TBPL2: variants seen among roughly 807,000 people sequenced by gnomAD.
TBPL2 encodes TATA-box binding protein like 2.
Under a neutral mutation model 38.2 loss-of-function variants are expected in TBPL2, and 40 were observed. The observed-to-expected ratio is 1.05, with a 90% CI of 0.81 to 1.36. The LOEUF (loss-of-function observed/expected upper bound fraction) is 1.36, where lower values mean the gene tolerates loss of function less well. Ranked by LOEUF, TBPL2 falls within the 40% of genes most tolerant of loss-of-function variation. The pLI, the probability that TBPL2 is intolerant of heterozygous loss-of-function variation, is 0.00. For missense variants in TBPL2, 461 were observed against 456.7 expected (o/e 1.01, Z -0.09); for synonymous variants, 169 against 171.7 (o/e 0.98, Z 0.12).
chr14:55,436,491 G>A (rs1237099750), intron 2 of TBPL2, 70 bp downstream of exon 2: 2 of 1,302,284 alleles, frequency 1.5e-6, no homozygotes, highest in Non-Finnish European at 2.2e-6. Flanking sequence ...CCTGAAATTA[G>A]TTGTCATCGC....
intron 6 of TBPL2, among the ~76,000 whole-genome samples, chr14:55,418,449 A>G (rs181476878): frequency 1.3e-5 from 2 of 152,368 alleles, no homozygotes; most frequent in Admixed American, 6.5e-5. Flanking sequence ...TCGTGTGTGT[A>G]TAAGTCAAAA....
At chr14:55,436,085 G>A (rs1886008697) in intron 2 of TBPL2, 151 bp from the exon 3 acceptor site, 1 of 500,698 alleles carries the variant, frequency 2.0e-6, no homozygotes, top group Non-Finnish European at 3.4e-6. Flanking sequence ...ATGATTCCTA[G>A]TTAAGTGTAA....
intron 6 of TBPL2, among the ~76,000 whole-genome samples, chr14:55,420,347 C>A (rs1220584471): frequency 6.6e-6 from 1 of 152,174 alleles, no homozygotes; most frequent in East Asian, 1.9e-4. Flanking sequence ...CCTAGCCAGG[C>A]CCTTAAGTTT....
chr14:55,439,617 C>CCCG (rs1886074724), intron 1 of TBPL2, among the ~76,000 whole-genome samples: 1 of 72,628 alleles, frequency 1.4e-5, no homozygotes, highest in Admixed American at 1.7e-4. Flanking sequence ...AAAGCAAACC[C>CCCG]CCCCCCGTCT....
chr14:55,440,022 C>T lies in TBPL2; in HGVS notation c.150+374G>A, dbSNP rs555811633. 3.3e-5 allele frequency among the ~76,000 whole-genome samples: 5 copies of T among 151,372 alleles called. No homozygotes were observed. The South Asian group carries it at 1.0e-3, about 32-fold the overall frequency. ...GGCTGAGGCACGAGAATCGCTTGAA[C>T]CCAGGAGGCGGAGGTTGCAGTGAGC... On this transcript the variant is annotated intron_variant, in intron 1 of 6. Transcript: ENST00000247219.
intron 3 of TBPL2, 79 bp from the exon 4 acceptor site, chr14:55,433,800 G>A: frequency 7.6e-7 from 1 of 1,311,268 alleles, no homozygotes; most frequent in Non-Finnish European, 1.1e-6. Flanking sequence ...AGCTGAATAT[G>A]AAAATCTCAA....
At chr14:55,414,293 A>G (rs79919449) in exon 7 of TBPL2, 74,030 of 1,032,682 alleles carry the variant, frequency 0.072, 2,973 homozygotes, top group South Asian at 0.087. Context: ...AACATCTACA[A>G]TTAAACGTAG....
chr14:55,437,661 T>C (rs1712976664), intron 1 of TBPL2, among the ~76,000 whole-genome samples: 3 of 152,242 alleles, frequency 2.0e-5, no homozygotes, highest in Non-Finnish European at 2.9e-5. Flanking sequence ...AATTGTTGTA[T>C]ACTTTGAAGA....
At chr14:55,428,655 C>A in intron 5 of TBPL2, 152 bp downstream of exon 5, 1 of 794,010 alleles carries the variant, frequency 1.3e-6, no homozygotes, top group East Asian at 2.7e-5. Context: ...CCTATGAGAA[C>A]TCAGGCATAG....
At chr14:55,432,429 C>G (rs1372694311) in intron 4 of TBPL2, among the ~76,000 whole-genome samples, 1 of 138,956 alleles carries the variant, frequency 7.2e-6, no homozygotes, top group Non-Finnish European at 1.5e-5. Context: ...AAAAAAACAA[C>G]AAATAAACAA....
chr14:55,415,813 C>T (rs938833569), intron 6 of TBPL2, among the ~76,000 whole-genome samples: 1 of 152,110 alleles, frequency 6.6e-6, no homozygotes, highest in Admixed American at 6.5e-5. Context: ...TTGCAATGAG[C>T]AGAGTTCGCA....
At chr14:55,424,601 GT>G (rs1885793010) in intron 5 of TBPL2, among the ~76,000 whole-genome samples, 1 of 152,140 alleles carries the variant, frequency 6.6e-6, no homozygotes, top group African/African-American at 2.4e-5. Flanking sequence ...ACATAATCAT[GT>G]TTTTCTGGGT....
chr14:55,432,719 A>G (rs1261181886), intron 4 of TBPL2, among the ~76,000 whole-genome samples: 1 of 152,230 alleles, frequency 6.6e-6, no homozygotes, highest in Non-Finnish European at 1.5e-5. Context: ...AACACTTAGT[A>G]CATTTATAGA....
intron 1 of TBPL2, among the ~76,000 whole-genome samples, chr14:55,438,461 C>T (rs950945281): frequency 6.6e-6 from 1 of 152,182 alleles, no homozygotes; most frequent in African/African-American, 2.4e-5. Context: ...GGCCCCAATT[C>T]CACTGCAGGG....
intron 4 of TBPL2, among the ~76,000 whole-genome samples, chr14:55,432,285 T>C (rs1213744620): frequency 6.7e-6 from 1 of 148,574 alleles, no homozygotes; most frequent in East Asian, 2.0e-4. Context: ...TGGTGGTGCA[T>C]ACCTGTGGTC....
chr14:55,426,276 AAAAT>A (rs869074603), intron 5 of TBPL2, among the ~76,000 whole-genome samples: 11 of 151,976 alleles, frequency 7.2e-5, no homozygotes, highest in Admixed American at 1.3e-4. Flanking sequence ...TCAAAAAAAA[AAAAT>A]AAATAAATAA....
chr14:55,435,892 C>T (rs369218075), exon 3 of TBPL2: 1 of 1,578,682 alleles, frequency 6.3e-7, no homozygotes, highest in African/African-American at 1.4e-5. Context: ...CTATTTTCTT[C>T]AGATCCAACT....
intron 6 of TBPL2, among the ~76,000 whole-genome samples, chr14:55,421,166 G>A (rs1312105685): frequency 6.6e-6 from 1 of 151,990 alleles, no homozygotes; most frequent in Non-Finnish European, 1.5e-5. Context: ...CCTGTATTTG[G>A]CAATTTGCAC....
chr14:55,436,690 G>C, exon 2 of TBPL2: 1 of 1,614,204 alleles, frequency 6.2e-7, no homozygotes, highest in Non-Finnish European at 8.5e-7. Flanking sequence ...AGTATCACCA[G>C]GGTGCAGCTG....
Sources: gnomAD v4.1 joint callset for allele counts (sites outside exome capture counted in the v4.1 genomes callset) on GRCh38, gnomAD v4.1.1 for gene constraint, MANE v1.5 for transcripts, NCBI Gene and HGNC (gene_info 2026-07-23, HGNC 2026-07-21) for gene names.